PALLD: variants seen among roughly 807,000 people sequenced by gnomAD.
PALLD encodes palladin, cytoskeletal associated protein.
Under a neutral mutation model 123.5 loss-of-function variants are expected in PALLD, and 61 were observed. The observed-to-expected ratio is 0.49, with a 90% CI of 0.40 to 0.61. PALLD has a LOEUF of 0.61. Among genes scored for constraint, PALLD ranks in the 20% least tolerant of loss-of-function variants. The pLI is 0.00. For missense variants in PALLD, 1,273 were observed against 1,377.0 expected, an observed-to-expected ratio of 0.92 and a Z score of 1.20; for synonymous variants, 465 against 496.4, an observed-to-expected ratio of 0.94 and a Z score of 0.84.
chr4:168,644,182 G>C (rs1390786352), intron 2 of PALLD, among the ~76,000 whole-genome samples: 1 of 151,332 alleles, frequency 6.6e-6, no homozygotes, highest in African/African-American at 2.4e-5. Context: ...TCCACCTCCC[G>C]GGTTCAAGTG....
intron 2 of PALLD, among the ~76,000 whole-genome samples, chr4:168,571,949 G>A (rs996254722): frequency 8.5e-5 from 13 of 152,102 alleles, no homozygotes; most frequent in African/African-American, 2.4e-4. Flanking sequence ...GTGCCAGGCC[G>A]GGCATGGTGG....
intron 10 of PALLD, among the ~76,000 whole-genome samples, chr4:168,792,470 T>C (rs1352784971): frequency 6.6e-6 from 1 of 152,124 alleles, no homozygotes; most frequent in East Asian, 1.9e-4. Flanking sequence ...TCTATGACTC[T>C]TCTACTTCCT....
At chr4:168,578,192 G>C (rs17541573) in intron 2 of PALLD, among the ~76,000 whole-genome samples, 4,927 of 151,916 alleles carry the variant, frequency 0.032, 109 homozygotes, top group Middle Eastern at 0.051. Context: ...CATTAAGTTA[G>C]GATTTAAAAA....
intron 2 of PALLD, among the ~76,000 whole-genome samples, chr4:168,649,057 G>A (rs1478089415): frequency 6.6e-6 from 1 of 152,220 alleles, no homozygotes; most frequent in Non-Finnish European, 1.5e-5. Context: ...TGGATAAAAA[G>A]CATCCTGTTC....
At chr4:168,872,818 A>G (rs1208830219) in intron 10 of PALLD, among the ~76,000 whole-genome samples, 2 of 152,232 alleles carry the variant, frequency 1.3e-5, no homozygotes, top group African/African-American at 4.8e-5. Context: ...TGATATGAAG[A>G]TATCAATTGA....
intron 14 of PALLD, among the ~76,000 whole-genome samples, chr4:168,899,708 G>C (rs901185748): frequency 8.5e-5 from 13 of 152,096 alleles, no homozygotes; most frequent in African/African-American, 2.9e-4. Context: ...CCTGAGCTCA[G>C]GAGTTCGAGA....
chr4:168,638,945 C>G (rs1776620779), intron 2 of PALLD, among the ~76,000 whole-genome samples: 1 of 152,086 alleles, frequency 6.6e-6, no homozygotes, highest in Non-Finnish European at 1.5e-5. Flanking sequence ...TCTCATGTTC[C>G]TCTCCCACTC....
At chr4:168,577,072 C>T (rs943793276) in intron 2 of PALLD, among the ~76,000 whole-genome samples, 1 of 152,098 alleles carries the variant, frequency 6.6e-6, no homozygotes, top group Non-Finnish European at 1.5e-5. Flanking sequence ...ATGAATCCGG[C>T]AGGCTCGAAG....
intron 2 of PALLD, among the ~76,000 whole-genome samples, chr4:168,618,168 C>A (rs72982780): frequency 6.6e-6 from 1 of 152,078 alleles, no homozygotes; most frequent in Admixed American, 6.5e-5. Flanking sequence ...TCAACCAAGT[C>A]GCTTATACTC....
At chr4:168,819,476 C>A (rs1389273291) in intron 10 of PALLD, among the ~76,000 whole-genome samples, 1 of 152,076 alleles carries the variant, frequency 6.6e-6, no homozygotes, top group African/African-American at 2.4e-5. Context: ...ATTCAGAGCA[C>A]CTGCATCAGG....
chr4:168,666,049 A>G (rs1355483871), intron 2 of PALLD, among the ~76,000 whole-genome samples: 1 of 151,740 alleles, frequency 6.6e-6, no homozygotes, highest in Non-Finnish European at 1.5e-5. Flanking sequence ...TCTTCTTTTG[A>G]TTTTTTTCAA....
At position 168,668,286 on chromosome 4, in the gene PALLD, T is replaced by C. The variant is rs764057965; in HGVS notation, c.1005T>C (p.Phe335=). 3 of 1,614,202 alleles carry C rather than the reference T, an allele frequency of 1.9e-6. No homozygotes were observed. The highest frequency in any genetic ancestry group is 2.2e-5 in the East Asian group (1 of 44,882). The change falls in exon 3 of 22, where the codon TTT becomes TTC. Residue 335 remains phenylalanine, a synonymous_variant. Transcript: ENST00000505667. The part of the protein sequence containing the change: ...DLHTLIIAEA[F]EDDTGRYTCL... Reference sequence around the variant, plus strand: ...ATACCCTGATCATAGCAGAGGCCTTTGAGGACGACACAGGTCGCTACACCT... The same window carrying C: ...ATACCCTGATCATAGCAGAGGCCTTCGAGGACGACACAGGTCGCTACACCT...
chr4:168,758,410 C>T (rs1732195631), intron 10 of PALLD, among the ~76,000 whole-genome samples: 1 of 152,180 alleles, frequency 6.6e-6, no homozygotes, highest in African/African-American at 2.4e-5. Context: ...AGTGACTCCA[C>T]TTTCTCCACA....
intron 1 of PALLD, among the ~76,000 whole-genome samples, chr4:168,499,850 T>C (rs1761212812): frequency 6.6e-6 from 1 of 152,270 alleles, no homozygotes; most frequent in Non-Finnish European, 1.5e-5. Context: ...TGCCTGTCAA[T>C]GTTTTTCTAA....
intron 10 of PALLD, among the ~76,000 whole-genome samples, chr4:168,713,547 C>T (rs1321459491): frequency 1.3e-5 from 2 of 152,100 alleles, no homozygotes; most frequent in South Asian, 2.1e-4. Context: ...TGTTAAGAGG[C>T]ATCTACAGCC....
At chr4:168,837,826 T>G (rs1482891412) in intron 10 of PALLD, among the ~76,000 whole-genome samples, 1 of 152,182 alleles carries the variant, frequency 6.6e-6, no homozygotes, top group Non-Finnish European at 1.5e-5. Flanking sequence ...AAGCAGTGAA[T>G]GAAATGGACA....
rs532742973 is a variant in PALLD at position 168,869,365 on chromosome 4, C to T, written c.1965-21557C>T. On this transcript the variant is annotated intron_variant, in intron 10 of 21. Transcript: ENST00000505667. This position sits in a 1 kb window ranked among gnomAD's most constrained non-coding sequence, Gnocchi z 4.5. ...TGCCAAACTGACAGTGCCATGCCAGCCTTGTGGGCTGGAGTAGTATGGAGG... is the reference window on the plus strand; with the variant it reads ...TGCCAAACTGACAGTGCCATGCCAGTCTTGTGGGCTGGAGTAGTATGGAGG... Among the ~76,000 whole-genome samples, 2 of 152,178 alleles carry T rather than the reference C, an allele frequency of 1.3e-5. No individual in the cohort carries two copies. The highest frequency in any genetic ancestry group is 2.1e-4 in the South Asian group (1 of 4,820).
chr4:168,676,204 C>T (rs1780814133), intron 3 of PALLD, among the ~76,000 whole-genome samples: 2 of 151,622 alleles, frequency 1.3e-5, no homozygotes, highest in Non-Finnish European at 1.5e-5. Context: ...TTAACCTATT[C>T]TGTCACAGAC....
intron 10 of PALLD, among the ~76,000 whole-genome samples, chr4:168,734,967 G>A (rs1309750011): frequency 6.6e-6 from 1 of 152,098 alleles, no homozygotes; most frequent in Non-Finnish European, 1.5e-5. Flanking sequence ...GGGAGAGGGT[G>A]ATGCTAGTAG....
Sources: gnomAD v4.1 joint callset for allele counts (sites outside exome capture counted in the v4.1 genomes callset) on GRCh38, gnomAD v4.1.1 for gene constraint, Gnocchi (gnomAD v3.1) non-coding constraint, MANE v1.5 for transcripts, NCBI Gene and HGNC (gene_info 2026-07-23, HGNC 2026-07-21) for gene names.